Variants in TANC2 observed in about 807,000 individuals in gnomAD.
The protein encoded by TANC2 is protein TANC2.
Under a neutral mutation model 210.5 loss-of-function variants are expected in TANC2, and 26 were observed. The observed-to-expected ratio is 0.12, with a 90% CI of 0.09 to 0.17. TANC2 has a LOEUF of 0.17. Among genes scored for constraint, TANC2 ranks in the 10% least tolerant of loss-of-function variants. TANC2 has a pLI of 1.00. For missense variants in TANC2, 2,129 were observed against 2,608.9 expected (o/e 0.82, Z 4.01); for synonymous variants, 931 against 967.1 (o/e 0.96, Z 0.69).
At chr17:63,190,591 A>G (rs1375581326) in intron 5 of TANC2, among the ~76,000 whole-genome samples, 1 of 152,182 alleles carries the variant, frequency 6.6e-6, no homozygotes, top group African/African-American at 2.4e-5. Context: ...AAATAAGGGA[A>G]GAAGGAAAGG....
intron 14 of TANC2, among the ~76,000 whole-genome samples, chr17:63,361,996 G>A (rs576311647): frequency 6.6e-6 from 1 of 152,328 alleles, no homozygotes; most frequent in African/African-American, 2.4e-5. Context: ...AGGAGACCTG[G>A]AATGGGTAGC....
chr17:63,416,684 G>A (rs540006133), intron 26 of TANC2, among the ~76,000 whole-genome samples: 215 of 152,214 alleles, frequency 1.4e-3, no homozygotes, highest in African/African-American at 5.0e-3. Context: ...TTCAGAGGCA[G>A]AGTTAAACCT....
chr17:63,333,560 A>G (rs1020443617), intron 11 of TANC2, among the ~76,000 whole-genome samples: 6 of 152,222 alleles, frequency 3.9e-5, no homozygotes, highest in Non-Finnish European at 8.8e-5. Flanking sequence ...TGCTGTGAGC[A>G]TTGTAAAAAT....
chr17:63,217,048 A>G (rs2042045169), intron 7 of TANC2, among the ~76,000 whole-genome samples: 1 of 152,232 alleles, frequency 6.6e-6, no homozygotes, highest in African/African-American at 2.4e-5. Context: ...AAACATATCA[A>G]AATTTGTGGA....
At chr17:63,021,683 T>C (rs904547116) in intron 2 of TANC2, among the ~76,000 whole-genome samples, 1 of 152,242 alleles carries the variant, frequency 6.6e-6, no homozygotes, top group Admixed American at 6.5e-5. Context: ...GAGTTGTTGC[T>C]ATAACAATAC....
At chr17:63,373,321 A>C (rs2047327458) in intron 14 of TANC2, among the ~76,000 whole-genome samples, 1 of 152,206 alleles carries the variant, frequency 6.6e-6, no homozygotes, top group Non-Finnish European at 1.5e-5. Flanking sequence ...CCAATCAAAA[A>C]GTGTCAAAAT....
chr17:62,971,748 T>A (rs527935055), intron 1 of TANC2, among the ~76,000 whole-genome samples: 1 of 152,210 alleles, frequency 6.6e-6, no homozygotes, highest in Admixed American at 6.5e-5. Flanking sequence ...TGTGAGCACC[T>A]CCTCCTGTCA....
chr17:63,366,346 T>C (rs1388873603), intron 14 of TANC2, among the ~76,000 whole-genome samples: 1 of 152,238 alleles, frequency 6.6e-6, no homozygotes, highest in African/African-American at 2.4e-5. Context: ...TTAGTGTTTT[T>C]AACAGACACA....
In TANC2 at chr17:63,420,599, C is replaced by T. The variant is rs761643737; in HGVS notation, c.4869C>T (p.Gly1623=). 6.2e-7 allele frequency: 1 copy of T among 1,613,854 alleles called. No individual in the cohort carries two copies. Among genetic ancestry groups the T allele is most frequent in the South Asian group, 1.1e-5 (1 of 91,054 alleles). ...CTCCCCCTTCCCCTCTCCGGAGAGG[C>T]CCTCAGTATCGGGCCAGCCCTCCAG... is the stretch of plus-strand genomic sequence containing the variant. Residue 1623 remains glycine, a synonymous_variant, in exon 28 of 28, where the codon GGC becomes GGT. Transcript: ENST00000689528. The surrounding 1 kb of genome is among the most constrained non-coding windows in gnomAD (Gnocchi z 4.2).
At position 63,159,945 on chromosome 17, in the gene TANC2, A is replaced by G. The variant is rs771898614; in HGVS notation, c.433+8565A>G. On this transcript the variant is annotated intron_variant, in intron 5 of 27. Transcript: ENST00000689528. ...TCTGGAGGCTAGAAGTTCAAGATCA[A>G]GGTTCTGGCTGATTCAGTTTTTGGT... is the stretch of plus-strand genomic sequence containing the variant. Among the ~76,000 whole-genome samples, 112 of 152,356 alleles carry G rather than the reference A, an allele frequency of 7.4e-4. 1 individual carries two copies. Among genetic ancestry groups the G allele is most frequent in the Middle Eastern group, 6.8e-3 (2 of 294 alleles).
intron 9 of TANC2, among the ~76,000 whole-genome samples, chr17:63,290,536 A>T (rs2044353232): frequency 6.6e-6 from 1 of 152,176 alleles, no homozygotes; most frequent in Non-Finnish European, 1.5e-5. Context: ...CCCTTCTTAC[A>T]TTGTGGCCTG....
At chr17:63,320,554 T>C (rs2045463742) in intron 11 of TANC2, 1 of 152,210 alleles carries the variant, frequency 6.6e-6, no homozygotes, top group East Asian at 1.9e-4. Flanking sequence ...GCATCATTAT[T>C]CTATGCTTAT....
intron 1 of TANC2, among the ~76,000 whole-genome samples, chr17:62,994,958 C>G (rs976942275): frequency 6.6e-6 from 1 of 152,172 alleles, no homozygotes; most frequent in Non-Finnish European, 1.5e-5. Flanking sequence ...TTAACAAAGG[C>G]TACAAAGCTG....
At chr17:63,363,238 CTTTATATA>C (rs1249256120) in intron 14 of TANC2, among the ~76,000 whole-genome samples, 5 of 152,056 alleles carry the variant, frequency 3.3e-5, no homozygotes, top group Non-Finnish European at 7.4e-5. Context: ...TGTTTGAGCT[CTTTATATA>C]TTCTGGTTAT....
intron 7 of TANC2, among the ~76,000 whole-genome samples, chr17:63,231,759 G>A (rs1011202309): frequency 3.9e-5 from 6 of 152,152 alleles, no homozygotes; most frequent in East Asian, 1.9e-4. Flanking sequence ...TTCTCATGGA[G>A]TATCTTACTG....
intron 15 of TANC2, chr17:63,387,852 G>A (rs945784545): frequency 9.9e-5 from 15 of 152,240 alleles, no homozygotes; most frequent in Non-Finnish European, 1.8e-4. Context: ...TGGAAATCAA[G>A]CCTGTATTGC....
chr17:63,216,183 G>A (rs1366891176), intron 7 of TANC2, among the ~76,000 whole-genome samples: 1 of 152,082 alleles, frequency 6.6e-6, no homozygotes, highest in Admixed American at 6.6e-5. Context: ...GGAGTAGCTG[G>A]GATCACAGGC....
intron 11 of TANC2, among the ~76,000 whole-genome samples, chr17:63,326,871 G>A (rs2045665608): frequency 6.6e-6 from 1 of 152,036 alleles, no homozygotes. Flanking sequence ...AGGAAAAATA[G>A]ACAAATGGAA....
At chr17:63,299,437 GTTTA>G (rs1054404638) in intron 9 of TANC2, among the ~76,000 whole-genome samples, 7 of 150,540 alleles carry the variant, frequency 4.6e-5, no homozygotes, top group African/African-American at 1.5e-4. Flanking sequence ...AGCATCTATT[GTTTA>G]TTGACTTTTT....
Sources: gnomAD v4.1 joint callset for allele counts (sites outside exome capture counted in the v4.1 genomes callset) on GRCh38, gnomAD v4.1.1 for gene constraint, Gnocchi (gnomAD v3.1) non-coding constraint, MANE v1.5 for transcripts, NCBI Gene and HGNC (gene_info 2026-07-23, HGNC 2026-07-21) for gene names.